Variants in CDH13 observed in about 807,000 individuals in gnomAD.
CDH13 encodes cadherin-13.
A neutral mutation model predicts 63.8 loss-of-function variants in CDH13; 24 were observed. The ratio of observed to expected loss-of-function variants is 0.38; its 90% CI spans 0.27 to 0.53. The LOEUF is 0.53. CDH13 is among the 20% of genes least tolerant of loss of function. The probability of loss-of-function intolerance (pLI) is 0.85; values close to 1 mark genes in which losing one functional copy is unlikely to be tolerated. For synonymous variants in CDH13, 503 were observed against 355.3 expected, an observed-to-expected ratio of 1.42 and a Z score of -4.67; for missense variants, 1,049 against 903.1, an observed-to-expected ratio of 1.16 and a Z score of -2.07.
intron 5 of CDH13, among the ~76,000 whole-genome samples, chr16:83,228,248 G>T (rs1489812109): frequency 6.6e-6 from 1 of 152,206 alleles, no homozygotes; most frequent in East Asian, 1.9e-4. Flanking sequence ...GCCATCTGGT[G>T]GGTCAGGCAT....
At chr16:83,387,122 AG>A (rs1476998744) in intron 6 of CDH13, among the ~76,000 whole-genome samples, 1 of 152,186 alleles carries the variant, frequency 6.6e-6, no homozygotes, top group Non-Finnish European at 1.5e-5. Context: ...AATGAGTGTT[AG>A]GTCAACCAAG....
At chr16:83,249,811 T>A (rs866047768) in intron 5 of CDH13, among the ~76,000 whole-genome samples, 1 of 152,232 alleles carries the variant, frequency 6.6e-6, no homozygotes, top group African/African-American at 2.4e-5. Flanking sequence ...AGCTTTGACG[T>A]TGGTGTTACA....
At chr16:83,263,496 C>G (rs548952591) in intron 5 of CDH13, among the ~76,000 whole-genome samples, 141 of 152,272 alleles carry the variant, frequency 9.3e-4, no homozygotes, top group Admixed American at 2.5e-3. Flanking sequence ...CATTAAAGGA[C>G]AGATTCCTTG....
At chr16:83,612,904 A>G (rs1038214903) in intron 8 of CDH13, among the ~76,000 whole-genome samples, 6 of 152,042 alleles carry the variant, frequency 3.9e-5, no homozygotes, top group African/African-American at 1.4e-4. Flanking sequence ...TTATTTATTT[A>G]TCCCTGTTTT....
At chr16:83,265,255 C>T (rs1218568239) in intron 5 of CDH13, among the ~76,000 whole-genome samples, 1 of 152,166 alleles carries the variant, frequency 6.6e-6, no homozygotes, top group Non-Finnish European at 1.5e-5. Flanking sequence ...ACTCTGTTTG[C>T]CTTTGTCCTG....
chr16:83,141,734 T>G (rs2036537577), intron 4 of CDH13, among the ~76,000 whole-genome samples: 1 of 152,226 alleles, frequency 6.6e-6, no homozygotes, highest in South Asian at 2.1e-4. Context: ...GTTCTCATTG[T>G]TCAGCTCCCA....
intron 1 of CDH13, among the ~76,000 whole-genome samples, chr16:82,664,282 G>A (rs943784075): frequency 6.6e-5 from 10 of 152,210 alleles, no homozygotes; most frequent in African/African-American, 2.4e-4. Context: ...TGGAGTAGGA[G>A]GGTTGTTGGA....
chr16:83,616,808 T>A (rs545404108), intron 8 of CDH13, among the ~76,000 whole-genome samples: 1 of 152,298 alleles, frequency 6.6e-6, no homozygotes, highest in South Asian at 2.1e-4. Flanking sequence ...ATGGGTCTGA[T>A]GCATACATGG....
chr16:83,223,898 T>A (rs1385880549), intron 5 of CDH13, among the ~76,000 whole-genome samples: 1 of 152,148 alleles, frequency 6.6e-6, no homozygotes, highest in Non-Finnish European at 1.5e-5. Flanking sequence ...GAGTAAGTTC[T>A]TTAGTGGTGG....
In CDH13 at chr16:83,762,563, T is replaced by C. The variant is rs553032757; in HGVS notation, c.1681+14313T>C. Among the ~76,000 whole-genome samples, 7 of 152,286 alleles carry C rather than the reference T, an allele frequency of 4.6e-5. No homozygotes were observed. In the East Asian group the frequency reaches 1.2e-3, roughly 25 times the overall value. ...ACAGGTAATCACCAGAAAGGTCAAA[T>C]GTTAGTCGCCCTGTCTTATGTGGGC... is the stretch of plus-strand genomic sequence containing the variant. On this transcript the variant is annotated intron_variant, in intron 11 of 13. Coordinates refer to ENST00000567109, the MANE Select transcript of CDH13 (RefSeq NM_001257.5).
chr16:82,716,878 C>T (rs967925944), intron 1 of CDH13, among the ~76,000 whole-genome samples: 2 of 151,784 alleles, frequency 1.3e-5, no homozygotes, highest in African/African-American at 4.8e-5. Context: ...TTACACGGGT[C>T]CGTCGTAAGA....
At chr16:83,383,893 A>C (rs1160388244) in intron 6 of CDH13, among the ~76,000 whole-genome samples, 1 of 152,156 alleles carries the variant, frequency 6.6e-6, no homozygotes, top group African/African-American at 2.4e-5. Flanking sequence ...TGGCTGCTGG[A>C]GTGTCACTGC....
intron 1 of CDH13, among the ~76,000 whole-genome samples, chr16:82,725,853 A>G (rs1472043608): frequency 2.0e-4 from 31 of 152,150 alleles, no homozygotes; most frequent in Admixed American, 2.0e-3. Context: ...CATTAACCAG[A>G]TAATTATTGC....
At chr16:83,289,242 C>T (rs1004952539) in intron 5 of CDH13, among the ~76,000 whole-genome samples, 1 of 152,188 alleles carries the variant, frequency 6.6e-6, no homozygotes, top group Non-Finnish European at 1.5e-5. Flanking sequence ...AACCTGGGAC[C>T]CTTTTGGCCT....
intron 6 of CDH13, among the ~76,000 whole-genome samples, chr16:83,384,730 G>A (rs1278045125): frequency 6.6e-6 from 1 of 152,208 alleles, no homozygotes; most frequent in Non-Finnish European, 1.5e-5. Context: ...GGCCTCATGT[G>A]GATCAATGTG....
chr16:82,765,630 G>C (rs1489683593), intron 1 of CDH13, among the ~76,000 whole-genome samples: 1 of 152,148 alleles, frequency 6.6e-6, no homozygotes, highest in Non-Finnish European at 1.5e-5. Flanking sequence ...CTTCATAAGT[G>C]TATAATTTTT....
intron 7 of CDH13, among the ~76,000 whole-genome samples, chr16:83,501,098 C>T (rs73603898): frequency 0.013 from 1,977 of 152,330 alleles, 35 homozygotes; most frequent in African/African-American, 0.043. Flanking sequence ...GCTTTCCTGG[C>T]TAAACGTGAT....
At chr16:83,046,855 T>C (rs1385253516) in intron 3 of CDH13, among the ~76,000 whole-genome samples, 2 of 152,168 alleles carry the variant, frequency 1.3e-5, no homozygotes, top group African/African-American at 4.8e-5. Context: ...GATTGTGAAA[T>C]CCTTCCTGCT....
intron 1 of CDH13, among the ~76,000 whole-genome samples, chr16:82,635,532 G>A (rs963145515): frequency 2.6e-5 from 4 of 152,184 alleles, no homozygotes; most frequent in African/African-American, 7.2e-5. Flanking sequence ...AGAGCAAGTG[G>A]CAGCCATTGA....
Sources: gnomAD v4.1 joint callset for allele counts (sites outside exome capture counted in the v4.1 genomes callset) on GRCh38, gnomAD v4.1.1 for gene constraint, MANE v1.5 for transcripts, NCBI Gene and HGNC (gene_info 2026-07-23, HGNC 2026-07-21) for gene names.